Variants in NLRC3 observed in about 807,000 individuals in gnomAD.
NLRC3 encodes the protein NLR family CARD domain-containing protein 3.
Under a neutral mutation model 91.6 loss-of-function variants are expected in NLRC3, and 87 were observed. The observed-to-expected ratio is 0.95, with a 90% CI of 0.80 to 1.14. NLRC3 has a LOEUF of 1.14. NLRC3 is among the 50% of genes most tolerant of loss of function. The pLI, the probability that NLRC3 is intolerant of heterozygous loss-of-function variation, is 0.00. For missense variants in NLRC3, 1,577 were observed against 1,418.6 expected, an observed-to-expected ratio of 1.11 and a Z score of -1.79; for synonymous variants, 694 against 625.3, an observed-to-expected ratio of 1.11 and a Z score of -1.64.
Position 3,565,070 on chromosome 16 carries a change from G to A in NLRC3, c.-24-10C>T. 1 of 1,597,894 alleles carries A rather than the reference G, an allele frequency of 6.3e-7. No individual in the cohort carries two copies. Among genetic ancestry groups the A allele is most frequent in the Admixed American group, 1.7e-5 (1 of 59,744 alleles). ...GGATCACCTCCAGGAGCTGTGAAGA[G>A]AGGGCCTGAACCTGCTGCCTGCCGT... On this transcript the variant is annotated splice_polypyrimidine_tract_variant and intron_variant, in intron 3 of 19. Transcript: ENST00000359128.
chr16:3,545,791 G>A (rs1439352143), intron 15 of NLRC3: 1 of 152,242 alleles, frequency 6.6e-6, no homozygotes, highest in East Asian at 1.9e-4. Flanking sequence ...AATTCCTGGG[G>A]AAGTGAGAAA....
chr16:3,571,248 A>C (rs945421234), intron 1 of NLRC3, among the ~76,000 whole-genome samples: 1 of 152,196 alleles, frequency 6.6e-6, no homozygotes, highest in Non-Finnish European at 1.5e-5. Flanking sequence ...TAAAAGTTGT[A>C]AACACAAAAC....
In NLRC3 at chr16:3,564,642, G is replaced by C. The variant is rs775816952; in HGVS notation, c.295C>G (p.Leu99Val). 2 of 1,607,264 alleles carry C rather than the reference G, an allele frequency of 1.2e-6. No homozygotes were observed. Among genetic ancestry groups the C allele is most frequent in the East Asian group, 4.5e-5 (2 of 44,874 alleles). ...GTGAAGTCGTGTTCCCTCAGCTGCA[G>C]GTCCGTCAGGCCCTCCACCAGCAGG... is the stretch of plus-strand genomic sequence containing the variant. ...SLLLVEGLTD[L>V]QLREHDFTQV... The change falls in exon 5 of 20, where the codon CTG (leucine) becomes GTG (valine). Residue 99 changes from leucine to valine, a missense_variant. Transcript: ENST00000359128. The surrounding 1 kb of genome is among the most constrained non-coding windows in gnomAD (Gnocchi z 5.9).
intron 15 of NLRC3, chr16:3,545,357 G>T (rs1283507370): frequency 1.3e-5 from 2 of 152,008 alleles, no homozygotes; most frequent in African/African-American, 4.8e-5. Flanking sequence ...TAAATTAGCT[G>T]GGAGTGGTGG....
At chr16:3,551,251 C>G (rs1452585416) in intron 10 of NLRC3, among the ~76,000 whole-genome samples, 3 of 148,422 alleles carry the variant, frequency 2.0e-5, no homozygotes, top group East Asian at 2.1e-4. Flanking sequence ...CACCCACTCA[C>G]TCATTCATTC....
Position 3,564,613 on chromosome 16 carries a change from C to T in NLRC3, c.324G>A (p.Gln108=), listed in dbSNP as rs2039790145. Residue 108 remains glutamine, a synonymous_variant, in exon 5 of 20, where the codon CAG becomes CAA. Coordinates refer to ENST00000359128, the MANE Select transcript of NLRC3 (RefSeq NM_178844.4). This position sits in a 1 kb window ranked among gnomAD's most constrained non-coding sequence, Gnocchi z 5.9. The part of the protein sequence containing the change: ...DLQLREHDFT[Q]VEATRGGGHP... ...GCCCGCCCCCGCGGGTGGCCTCCAC[C>T]TGTGTGAAGTCGTGTTCCCTCAGCT... 3.7e-6 allele frequency: 6 copies of T among 1,610,320 alleles called. No homozygotes were observed. The East Asian group carries it at 1.3e-4, about 36-fold the overall frequency.
At chr16:3,549,069 C>T (rs1291767913) in intron 13 of NLRC3, 73 bp downstream of exon 13, 12 of 1,206,724 alleles carry the variant, frequency 9.9e-6, no homozygotes, top group South Asian at 1.3e-5. Context: ...CGAGGGTGCC[C>T]GTCAGCCCAG....
chr16:3,553,828 G>A (rs984939152), intron 9 of NLRC3, among the ~76,000 whole-genome samples: 5 of 150,822 alleles, frequency 3.3e-5, no homozygotes, highest in East Asian at 1.9e-4. Context: ...TGCACCCTCC[G>A]CCTCCCAGGT....
chr16:3,563,473 C>T lies in NLRC3; in HGVS notation c.1464G>A (p.Arg488=). The change falls in exon 5 of 20, where the codon AGG becomes AGA. Residue 488 remains arginine (R), a synonymous_variant. Coordinates refer to ENST00000359128, the MANE Select transcript of NLRC3 (RefSeq NM_178844.4). ...LFTESGVSWP[R]LGFLTHFRSA... ...TCCTGAAATGCGTGAGGAAGCCCAG[C>T]CTGGGCCAGGATACGCCGCTCTCAG... 6.3e-7 allele frequency: 1 copy of T among 1,587,124 alleles called. No individual in the cohort carries two copies. Among genetic ancestry groups the T allele is most frequent in the Non-Finnish European group, 8.6e-7 (1 of 1,167,192 alleles).
chr16:3,575,061 T>C (rs1328948250), intron 1 of NLRC3, among the ~76,000 whole-genome samples: 1 of 152,226 alleles, frequency 6.6e-6, no homozygotes, highest in Non-Finnish European at 1.5e-5. Context: ...ACTGGAGACA[T>C]ACCAAAGAAA....
chr16:3,557,696 G>A lies in NLRC3; in HGVS notation c.2016-20C>T. 1 of 1,574,182 alleles carries A rather than the reference G, an allele frequency of 6.4e-7. No homozygotes were observed. The highest frequency in any genetic ancestry group is 8.7e-7 in the Non-Finnish European group (1 of 1,144,950). Reference sequence around the variant, plus strand: ...GCCAAGCTGCCCAAGGAAAGGGAGAGGAGTGGTTATTTTAGGCATGCACAT... The same window carrying A: ...GCCAAGCTGCCCAAGGAAAGGGAGAAGAGTGGTTATTTTAGGCATGCACAT... On this transcript the variant is annotated intron_variant, in intron 6 of 19. Transcript: ENST00000359128.
chr16:3,559,010 G>A (rs904848040), intron 6 of NLRC3, among the ~76,000 whole-genome samples: 2 of 152,266 alleles, frequency 1.3e-5, no homozygotes, highest in African/African-American at 4.8e-5. Context: ...GGGCTCAAAC[G>A]ATCCTCCTGC....
intron 10 of NLRC3, among the ~76,000 whole-genome samples, 157 bp downstream of exon 10, chr16:3,552,039 A>G (rs370689632): frequency 0.018 from 2,761 of 151,282 alleles, 88 homozygotes; most frequent in African/African-American, 0.059. Context: ...CTAGCCACCC[A>G]TCCACCTAGT....
chr16:3,563,570 A>G lies in NLRC3; in HGVS notation c.1367T>C (p.Leu456Pro). 6.2e-7 allele frequency: 1 copy of G among 1,612,514 alleles called. No homozygotes were observed. Among genetic ancestry groups the G allele is most frequent in the Non-Finnish European group, 8.5e-7 (1 of 1,179,504 alleles). Residue 456 changes from leucine (L) to proline (P), a missense_variant, in exon 5 of 20, where the codon CTG becomes CCG. Coordinates refer to ENST00000359128, the MANE Select transcript of NLRC3 (RefSeq NM_178844.4). ...GGCTGCCACAAACTCCTGCAGGGAC[A>G]GGTGGGTGAAGCAGTAGGCCACTGA... ...ASSVAYCFTH[L>P]SLQEFVAAAY...
chr16:3,572,967 G>T (rs1362340280), intron 1 of NLRC3, among the ~76,000 whole-genome samples: 1 of 146,156 alleles, frequency 6.8e-6, no homozygotes, highest in Non-Finnish European at 1.5e-5. Flanking sequence ...AGCCGAGATG[G>T]TGCCACTGCA....
chr16:3,573,882 G>A (rs2040188009), intron 1 of NLRC3, among the ~76,000 whole-genome samples: 1 of 151,730 alleles, frequency 6.6e-6, no homozygotes, highest in African/African-American at 2.4e-5. Context: ...GCAGTGGTAC[G>A]ATCTTGGCTC....
intron 1 of NLRC3, among the ~76,000 whole-genome samples, chr16:3,571,619 ATAAT>A (rs2040100601): frequency 6.6e-6 from 1 of 151,548 alleles, no homozygotes; most frequent in African/African-American, 2.4e-5. Flanking sequence ...AAAATATTAA[ATAAT>A]TAAATATTTA....
At chr16:3,566,720 C>A (rs556146494) in intron 2 of NLRC3, among the ~76,000 whole-genome samples, 6 of 148,704 alleles carry the variant, frequency 4.0e-5, no homozygotes, top group African/African-American at 1.5e-4. Flanking sequence ...AACGAAACTC[C>A]GTATAAAAAA....
chr16:3,558,324 A>T (rs2039447750), intron 6 of NLRC3, among the ~76,000 whole-genome samples: 1 of 152,118 alleles, frequency 6.6e-6, no homozygotes, highest in African/African-American at 2.4e-5. Context: ...GAGTGAGACC[A>T]TGTCTCAAAA....
Sources: allele counts gnomAD v4.1 joint callset (sites outside exome capture counted in the v4.1 genomes callset), GRCh38; gene constraint gnomAD v4.1.1; non-coding constraint Gnocchi (gnomAD v3.1); transcripts MANE v1.5; gene names NCBI Gene and HGNC (gene_info 2026-07-23, HGNC 2026-07-21).